IKZF4: variants seen among roughly 807,000 people sequenced by gnomAD.
IKZF4 encodes the protein zinc finger protein Eos.
Under a neutral mutation model 47.7 loss-of-function variants are expected in IKZF4, and 11 were observed. That is an observed-to-expected ratio of 0.23 (90% CI 0.15 to 0.38). IKZF4 has a LOEUF of 0.38. IKZF4 is among the 10% of genes least tolerant of loss of function. IKZF4 has a pLI of 1.00. For synonymous variants in IKZF4, 298 were observed against 299.4 expected, an observed-to-expected ratio of 1.00 and a Z score of 0.05; for missense variants, 557 against 784.9, an observed-to-expected ratio of 0.71 and a Z score of 3.47.
At chr12:56,023,625 A>G in intron 1 of IKZF4, 46 bp from the exon 2 acceptor site, 1 of 1,603,162 alleles carries the variant, frequency 6.2e-7, no homozygotes, top group Non-Finnish European at 8.5e-7. Flanking sequence ...TGAATGGGAA[A>G]TGGTCCCAAA....
intron 2 of IKZF4, chr12:56,024,082 T>TA (rs919860788): frequency 7.6e-5 from 23 of 302,904 alleles, no homozygotes; most frequent in Non-Finnish European, 1.1e-4. Context: ...GGGATTTTTT[T>TA]AAAAAAGACA....
rs372784450 is a variant in IKZF4, at chr12:56,021,577, T to C, written c.84T>C (p.Asp28=). 2.5e-6 allele frequency: 4 copies of C among 1,601,944 alleles called. No homozygotes were observed. The highest frequency in any genetic ancestry group is 1.3e-5 in the African/African-American group (1 of 74,238). Residue 28 remains aspartate (D), a synonymous_variant, in exon 1 of 8, where the codon GAT becomes GAC. Transcript: ENST00000547167. ...RTPGSHRQGK[D]NLERDPSGGC... is the part of the protein sequence containing the mutation. ...CAGGGTCTCACCGGCAAGGGAAGGA[T>C]AATGTAAGTTCAGGCAGAAGGCGGC...
chr12:56,026,892 C>T lies in IKZF4; in HGVS notation c.398C>T (p.Ser133Phe), dbSNP rs777658169. Residue 133 changes from serine (S) to phenylalanine (F), a missense_variant, in exon 4 of 8, where the codon TCT (serine) becomes TTT (phenylalanine). Coordinates refer to ENST00000547167, the MANE Select transcript of IKZF4 (RefSeq NM_022465.4). ...AGCGTGATTGTGGAAGATTCATTGT[C>T]TGAGCCCCTGGGCTACTGTGATGGG... is the stretch of plus-strand genomic sequence containing the variant. Reference protein sequence around the residue: ...DDSVIVEDSLSEPLGYCDGSG... With the variant: ...DDSVIVEDSLFEPLGYCDGSG... 2 of 1,613,464 alleles carry T rather than the reference C, an allele frequency of 1.2e-6. No homozygotes were observed. Among genetic ancestry groups the T allele is most frequent in the Non-Finnish European group, 1.7e-6 (2 of 1,179,738 alleles).
intron 1 of IKZF4, 36 bp from the exon 2 acceptor site, chr12:56,023,635 A>C: frequency 1.9e-6 from 3 of 1,609,382 alleles, no homozygotes; most frequent in Non-Finnish European, 2.5e-6. Flanking sequence ...ATGGTCCCAA[A>C]GTCCTGAGTG....
In IKZF4 at chr12:56,034,559, T is replaced by G. The variant is rs778226910; in HGVS notation, c.998-12T>G. The G allele has an allele frequency of 3.2e-6, 5 of 1,586,692 alleles. No individual in the cohort carries two copies. In the South Asian group the frequency reaches 5.7e-5, roughly 18 times the overall value. ...TCCAAACCCAGCCCTGCTGAGTTCC[T>G]GTTCTCCACAGGCGAAAAGCAGATG... On this transcript the variant is annotated splice_polypyrimidine_tract_variant and intron_variant, in intron 7 of 7. Coordinates refer to ENST00000547167, the MANE Select transcript of IKZF4 (RefSeq NM_022465.4).
chr12:56,015,140 G>A (rs1346826012), intron 2 of IKZF4, among the ~76,000 whole-genome samples: 1 of 152,132 alleles, frequency 6.6e-6, no homozygotes, highest in Non-Finnish European at 1.5e-5. Flanking sequence ...GCAATGGCAC[G>A]ATCTCGGCTC....
upstream of IKZF4, chr12:56,018,123 C>T: frequency 7.8e-7 from 1 of 1,288,694 alleles, no homozygotes; most frequent in Non-Finnish European, 1.0e-6. Context: ...TCTTTTTCAG[C>T]AGAATCTCTT....
Position 56,034,746 on chromosome 12 carries a change from C to T in IKZF4, c.1173C>T (p.Cys391=). 6.2e-7 allele frequency: 1 copy of T among 1,614,048 alleles called. No homozygotes were observed. Among genetic ancestry groups the T allele is most frequent in the Non-Finnish European group, 8.5e-7 (1 of 1,179,900 alleles). Residue 391 remains cysteine, a synonymous_variant, in exon 8 of 8, where the codon TGC becomes TGT. Transcript: ENST00000547167. Reference sequence around the variant, plus strand: ...CCCTCCGCCTTCCACCCACCAATTGCATCTCAGAACTCACGCCTGTCATCA... The same window carrying T: ...CCCTCCGCCTTCCACCCACCAATTGTATCTCAGAACTCACGCCTGTCATCA... ...LRPLRLPPTN[C]ISELTPVISS...
In IKZF4 at chr12:56,037,731, A is replaced by G. The variant is rs1435925613; in HGVS notation, c.*2400A>G. 3 of 152,546 alleles carry G rather than the reference A, an allele frequency of 2.0e-5. No homozygotes were observed. The East Asian group carries it at 5.8e-4, about 29-fold the overall frequency. The allele number at this position is 152,546 out of a possible 1,614,324, so 9.4% of individuals were successfully genotyped here. A position where few individuals can be genotyped will look rare whatever the true frequency, so the allele number is the denominator to read the frequency against. On this transcript the variant is annotated 3_prime_UTR_variant, in exon 8 of 8. Coordinates refer to ENST00000547167, the MANE Select transcript of IKZF4 (RefSeq NM_022465.4). ...GGGGCATCCTGTCTCTCTCCAGACC[A>G]TCACTGCACTTTAACCAGGGTCTTA...
chr12:56,032,329 C>T, intron 5 of IKZF4: 1 of 484,372 alleles, frequency 2.1e-6, no homozygotes, highest in Non-Finnish European at 3.7e-6. Flanking sequence ...TCTGAAGCCA[C>T]ATGCCCTAGG....
At chr12:56,022,246 A>G (rs1893140757) in intron 1 of IKZF4, among the ~76,000 whole-genome samples, 1 of 152,166 alleles carries the variant, frequency 6.6e-6, no homozygotes, top group Non-Finnish European at 1.5e-5. Flanking sequence ...CCTTTAACAT[A>G]TGAAACACCT....
At chr12:56,034,072 T>G (rs1333597461) in intron 7 of IKZF4, among the ~76,000 whole-genome samples, 1 of 152,080 alleles carries the variant, frequency 6.6e-6, no homozygotes, top group Non-Finnish European at 1.5e-5. Context: ...GCTAATTTTT[T>G]TTGTATTTTT....
Position 56,037,826 on chromosome 12 carries a change from T to A in IKZF4, c.*2495T>A, listed in dbSNP as rs955702052. 1 of 150,396 alleles carries A rather than the reference T, an allele frequency of 6.6e-6. No individual in the cohort carries two copies. The highest frequency in any genetic ancestry group is 1.5e-5 in the Non-Finnish European group (1 of 67,614). The allele number at this position is 150,396 out of a possible 1,614,324, so 9.3% of individuals were successfully genotyped here. A position where few individuals can be genotyped will look rare whatever the true frequency, so the allele number is the denominator to read the frequency against. ...AAACATCCTCATGCTCTCTCCCAGC[T>A]CCTTTTGCATAAAAAAAAAAGTAAA... On this transcript the variant is annotated 3_prime_UTR_variant, in exon 8 of 8. Transcript: ENST00000547167.
rs774121292 is a variant in IKZF4 at position 56,021,466 on chromosome 12, C to T, written c.-28C>T. ...TTCCTGGAAGGTGAGTGGCTGGGCT[C>T]ACCCCTGCCTGCCACTGAGACGCAG... On this transcript the variant is annotated 5_prime_UTR_variant, in exon 1 of 8. Transcript: ENST00000547167. The T allele has an allele frequency of 2.2e-5, 35 of 1,576,290 alleles. 2 individuals carry two copies. The highest frequency in any genetic ancestry group is 1.9e-4 in the South Asian group (16 of 85,966).
intron 2 of IKZF4, among the ~76,000 whole-genome samples, chr12:56,013,025 G>A (rs1331350044): frequency 6.6e-6 from 1 of 152,048 alleles, no homozygotes; most frequent in Non-Finnish European, 1.5e-5. Flanking sequence ...TAAGAACAGG[G>A]AAGAAAATTT....
chr12:56,035,573 C>T lies in IKZF4; in HGVS notation c.*242C>T. On this transcript the variant is annotated 3_prime_UTR_variant, in exon 8 of 8. Transcript: ENST00000547167. The surrounding 1 kb of genome is among the most constrained non-coding windows in gnomAD (Gnocchi z 6.1). Reference sequence around the variant, plus strand: ...TTTTATCTTCTCTCATCCCAGCATACTGAGTTATTTATTAATTAGTTGATT... The same window carrying T: ...TTTTATCTTCTCTCATCCCAGCATATTGAGTTATTTATTAATTAGTTGATT... The T allele has an allele frequency of 2.4e-6, 1 of 421,662 alleles. No homozygotes were observed. Among genetic ancestry groups the T allele is most frequent in the Non-Finnish European group, 4.2e-6 (1 of 238,416 alleles). 26.1% of individuals were successfully genotyped at this position (421,662 alleles called of 1,614,324 possible).
At chr12:56,028,033 G>A in intron 5 of IKZF4, 86 bp downstream of exon 5, 2 of 1,375,674 alleles carry the variant, frequency 1.5e-6, no homozygotes. Flanking sequence ...TATTTGGGGA[G>A]TTCCAGTGTC....
chr12:56,012,759 T>C (rs1592863140), intron 2 of IKZF4, among the ~76,000 whole-genome samples: 2 of 152,192 alleles, frequency 1.3e-5, no homozygotes, highest in South Asian at 4.1e-4. Context: ...TCAAATGTGT[T>C]GTAATGTTGA....
chr12:56,013,772 C>T (rs925678872), intron 2 of IKZF4, among the ~76,000 whole-genome samples: 1 of 152,138 alleles, frequency 6.6e-6, no homozygotes, highest in East Asian at 1.9e-4. Flanking sequence ...CTGATTTGCT[C>T]CTGGTTTGCA....
Sources: allele counts gnomAD v4.1 joint callset (sites outside exome capture counted in the v4.1 genomes callset), GRCh38; gene constraint gnomAD v4.1.1; non-coding constraint Gnocchi (gnomAD v3.1); transcripts MANE v1.5; gene names NCBI Gene and HGNC (gene_info 2026-07-23, HGNC 2026-07-21).